TRIB2: variants seen among roughly 807,000 people sequenced by gnomAD.
The protein encoded by TRIB2 is tribbles homolog 2.
A neutral mutation model predicts 26.8 loss-of-function variants in TRIB2; 2 were observed. That is an observed-to-expected ratio of 0.07 (90% confidence interval 0.03 to 0.24). The LOEUF (loss-of-function observed/expected upper bound fraction) is 0.24. TRIB2 is among the 10% of genes least tolerant of loss of function. The pLI is 1.00. For missense variants in TRIB2, 306 were observed against 449.0 expected (o/e 0.68, Z 2.88); for synonymous variants, 189 against 187.3 (o/e 1.01, Z -0.08).
At chr2:12,735,450 C>T (rs560966828) in intron 2 of TRIB2, among the ~76,000 whole-genome samples, 36 of 152,088 alleles carry the variant, frequency 2.4e-4, no homozygotes, top group African/African-American at 4.8e-4. Context: ...TGGTTTCCTC[C>T]GCCAGCTGCT....
intron 2 of TRIB2, among the ~76,000 whole-genome samples, chr2:12,728,818 C>G (rs897181281): frequency 2.0e-5 from 3 of 152,112 alleles, no homozygotes; most frequent in African/African-American, 4.8e-5. Context: ...CTCCTTCCCC[C>G]ACCAACAGAG....
rs1034262982 is a variant in TRIB2 at position 12,742,158 on chromosome 2, G to A, written c.*1364G>A. On this transcript the variant is annotated 3_prime_UTR_variant, in exon 3 of 3. Coordinates refer to ENST00000155926, the MANE Select transcript of TRIB2 (RefSeq NM_021643.4). ...TTTCTAGATAGCTTTATTTGATTTC[G>A]AGTGGCAAAATGTTTTTTATTACGG... The A allele has an allele frequency of 2.6e-5, 4 of 152,490 alleles. No homozygotes were observed. The highest frequency in any genetic ancestry group is 2.9e-5 in the Non-Finnish European group (2 of 68,024). The allele number at this position is 152,490 out of a possible 1,614,324, so 9.4% of individuals were successfully genotyped here. A position where few individuals can be genotyped will look rare whatever the true frequency, so the allele number is the denominator to read the frequency against.
At position 12,741,040 on chromosome 2, in the gene TRIB2, T is replaced by G; in HGVS notation, c.*246T>G. The G allele has an allele frequency of 2.0e-6, 1 of 492,978 alleles. No homozygotes were observed. Among genetic ancestry groups the G allele is most frequent in the Non-Finnish European group, 3.6e-6 (1 of 276,092 alleles). 30.5% of individuals were successfully genotyped at this position (492,978 alleles called of 1,614,324 possible). On this transcript the variant is annotated 3_prime_UTR_variant, in exon 3 of 3. Transcript: ENST00000155926. ...GGAGCTTGTCTTCCCTAACATAGCCTGGGAGACCACCCCTTGCCACTTGGG... is the reference window on the plus strand; with the variant it reads ...GGAGCTTGTCTTCCCTAACATAGCCGGGGAGACCACCCCTTGCCACTTGGG...
rs762373462 is a variant in TRIB2, at chr2:12,740,311, C to T, written c.564-15C>T. On this transcript the variant is annotated splice_polypyrimidine_tract_variant and intron_variant, in intron 2 of 2. Transcript: ENST00000155926. This position sits in a 1 kb window ranked among gnomAD's most constrained non-coding sequence, Gnocchi z 5.8. The stretch of plus-strand genomic sequence containing the variant: ...GAGCACCCTCAGGAGCTTATGTTTT[C>T]CTCCTTTCTTGCAGGACTCGGGTCA... 3.1e-6 allele frequency: 5 copies of T among 1,609,584 alleles called. No individual in the cohort carries two copies. The South Asian group carries it at 5.5e-5, about 18-fold the overall frequency.
intron 1 of TRIB2, among the ~76,000 whole-genome samples, chr2:12,721,149 A>G (rs1256289600): frequency 1.3e-5 from 2 of 152,194 alleles, no homozygotes; most frequent in Admixed American, 6.5e-5. Context: ...GTGGGAAAAC[A>G]TAAGTACTTA....
At position 12,718,244 on chromosome 2, in the gene TRIB2, A is replaced by T. The variant is rs1387801319; in HGVS notation, c.-64A>T. 6.4e-7 allele frequency: 1 copy of T among 1,562,426 alleles called. No homozygotes were observed. Among genetic ancestry groups the T allele is most frequent in the Admixed American group, 1.9e-5 (1 of 52,100 alleles). On this transcript the variant is annotated 5_prime_UTR_variant, in exon 1 of 3. Transcript: ENST00000155926. The surrounding 1 kb of genome is among the most constrained non-coding windows in gnomAD (Gnocchi z 4.0). ...GTGGCACCGAGGCGCCTGCAGCCGC[A>T]CTCGCCAGCGACTCATCTCTCCAGC...
At chr2:12,734,180 G>A (rs1450937411) in intron 2 of TRIB2, among the ~76,000 whole-genome samples, 1 of 152,208 alleles carries the variant, frequency 6.6e-6, no homozygotes, top group Non-Finnish European at 1.5e-5. Flanking sequence ...CTGGTGGCTG[G>A]CAGGGAGATG....
In TRIB2 at chr2:12,732,709, G is replaced by A. The variant is rs142295729; in HGVS notation, c.564-7617G>A. Among the ~76,000 whole-genome samples the A allele has an allele frequency of 1.7e-3, 266 of 152,296 alleles. 2 individuals carry two copies. The highest frequency in any genetic ancestry group is 5.8e-3 in the African/African-American group (239 of 41,554). On this transcript the variant is annotated intron_variant, in intron 2 of 2. Transcript: ENST00000155926. This position sits in a 1 kb window ranked among gnomAD's most constrained non-coding sequence, Gnocchi z 4.2. Reference sequence around the variant, plus strand: ...GACGTTCTAATGCAGCTGCCAGGCCGGCATGATGGTGCCAATGGTGCCAGG... The same window carrying A: ...GACGTTCTAATGCAGCTGCCAGGCCAGCATGATGGTGCCAATGGTGCCAGG...
At chr2:12,724,556 A>G in intron 2 of TRIB2, 1 of 1,545,454 alleles carries the variant, frequency 6.5e-7, no homozygotes, top group Non-Finnish European at 8.7e-7. Context: ...TACCTTTATT[A>G]ACAAACTGAG....
chr2:12,723,797 A>G (rs917293122), intron 2 of TRIB2, among the ~76,000 whole-genome samples: 1 of 152,224 alleles, frequency 6.6e-6, no homozygotes, highest in African/African-American at 2.4e-5. Context: ...GACCCAATGA[A>G]TATGTATGAT....
chr2:12,725,433 C>T (rs772939095), intron 2 of TRIB2, among the ~76,000 whole-genome samples: 1 of 152,236 alleles, frequency 6.6e-6, no homozygotes, highest in Non-Finnish European at 1.5e-5. Context: ...GGTGAGAGCA[C>T]GCCCCAGTGC....
At chr2:12,726,637 ATGT>A (rs1661345554) in intron 2 of TRIB2, among the ~76,000 whole-genome samples, 1 of 152,250 alleles carries the variant, frequency 6.6e-6, no homozygotes, top group African/African-American at 2.4e-5. Flanking sequence ...CACAGAGTTA[ATGT>A]CTGTTTTCTC....
rs185120047 is a variant in TRIB2, at chr2:12,718,986, C to T, written c.270+409C>T. Among the ~76,000 whole-genome samples the T allele has an allele frequency of 6.6e-6, 1 of 152,298 alleles. No homozygotes were observed. The highest frequency in any genetic ancestry group is 1.9e-4 in the East Asian group (1 of 5,164). ...TTAAGACTGATGACTTCGTTCTTTT[C>T]GCAGCCATTGTTCTTAGCAGCGGGC... On this transcript the variant is annotated intron_variant, in intron 1 of 2. Transcript: ENST00000155926. The surrounding 1 kb of genome is among the most constrained non-coding windows in gnomAD (Gnocchi z 4.0).
chr2:12,718,523 A>T lies in TRIB2; in HGVS notation c.216A>T (p.Gly72=), dbSNP rs1463696432. 3 of 1,613,976 alleles carry T rather than the reference A, an allele frequency of 1.9e-6. No individual in the cohort carries two copies. The Admixed American group carries it at 5.0e-5, about 27-fold the overall frequency. ...ACTTATTGTTGGAACCTCTGGAGGG[A>T]GACCACGTTTTTCGTGCCGTGCATC... The part of the protein sequence containing the change: ...GKYLLLEPLE[G]DHVFRAVHLH... Residue 72 remains glycine (G), a synonymous_variant, in exon 1 of 3, where the codon GGA becomes GGT. Coordinates refer to ENST00000155926, the MANE Select transcript of TRIB2 (RefSeq NM_021643.4). This position sits in a 1 kb window ranked among gnomAD's most constrained non-coding sequence, Gnocchi z 4.0.
At position 12,716,944 on chromosome 2, in the gene TRIB2, G is replaced by C. The variant is rs1362597267; in HGVS notation, c.-1364G>C. On this transcript the variant is annotated 5_prime_UTR_variant, in exon 1 of 3. Transcript: ENST00000155926. ...CGGTGACATTGAATGGGGAGACCGAGCGCGAGCGAGGCGCGCGCGCGCACA... is the reference window on the plus strand; with the variant it reads ...CGGTGACATTGAATGGGGAGACCGACCGCGAGCGAGGCGCGCGCGCGCACA... 2 of 152,652 alleles carry C rather than the reference G, an allele frequency of 1.3e-5. No individual in the cohort carries two copies. The highest frequency in any genetic ancestry group is 3.9e-4 in the East Asian group (2 of 5,086). 9.5% of individuals were successfully genotyped at this position (152,652 alleles called of 1,614,324 possible).
rs1666637376 is a variant in TRIB2 at position 12,718,047 on chromosome 2, C to T, written c.-261C>T. 9.6e-6 allele frequency: 5 copies of T among 521,240 alleles called. No individual in the cohort carries two copies. The highest frequency in any genetic ancestry group is 1.4e-5 in the Non-Finnish European group (4 of 294,818). The allele number at this position is 521,240 out of a possible 1,614,324, so 32.3% of individuals were successfully genotyped here. ...CTAAAAGTGCGGCGATTCTGCACAT[C>T]GCCGACTGCTTTGGGGTAACAAAAA... On this transcript the variant is annotated 5_prime_UTR_variant, in exon 1 of 3. Transcript: ENST00000155926. This position sits in a 1 kb window ranked among gnomAD's most constrained non-coding sequence, Gnocchi z 4.0.
intron 2 of TRIB2, among the ~76,000 whole-genome samples, chr2:12,727,506 G>T (rs1204550335): frequency 6.6e-6 from 1 of 152,194 alleles, no homozygotes; most frequent in Non-Finnish European, 1.5e-5. Flanking sequence ...AGTGCACCTG[G>T]TCTGGAACCT....
chr2:12,736,132 A>G (rs1448542711), intron 2 of TRIB2, among the ~76,000 whole-genome samples: 2 of 152,136 alleles, frequency 1.3e-5, no homozygotes, highest in Non-Finnish European at 2.9e-5. Flanking sequence ...TGAAGGAGAA[A>G]GTCAGAATCT....
At chr2:12,721,081 C>T (rs1384197191) in intron 1 of TRIB2, among the ~76,000 whole-genome samples, 1 of 152,104 alleles carries the variant, frequency 6.6e-6, no homozygotes, top group Non-Finnish European at 1.5e-5. Flanking sequence ...GTTTAAATAC[C>T]AGTCCAAGCC....
Sources: gnomAD v4.1 joint callset for allele counts (sites outside exome capture counted in the v4.1 genomes callset) on GRCh38, gnomAD v4.1.1 for gene constraint, Gnocchi (gnomAD v3.1) non-coding constraint, MANE v1.5 for transcripts, NCBI Gene and HGNC (gene_info 2026-07-23, HGNC 2026-07-21) for gene names.